The following LRRC72 variants were observed in gnomAD, a reference collection of about 807,000 sequenced individuals.
LRRC72 encodes the protein leucine-rich repeat-containing protein 72.
Under a neutral mutation model 35.8 loss-of-function variants are expected in LRRC72, and 41 were observed. The observed-to-expected ratio is 1.15, with a 90% CI of 0.89 to 1.49. LRRC72 has a LOEUF of 1.49. Among genes scored for constraint, LRRC72 ranks in the 40% most tolerant of loss-of-function variants. The pLI is 0.00. For missense variants in LRRC72, 389 were observed against 330.7 expected (o/e 1.18, Z -1.37); for synonymous variants, 118 against 119.2 (o/e 0.99, Z 0.07).
chr7:16,559,846 C>T (rs945325740), intron 5 of LRRC72, among the ~76,000 whole-genome samples: 6 of 150,916 alleles, frequency 4.0e-5, no homozygotes, highest in Admixed American at 1.3e-4. Context: ...GCTGGGTGAA[C>T]AGTGTGATAC....
chr7:16,574,532 G>A (rs1380033604), intron 7 of LRRC72, among the ~76,000 whole-genome samples: 1 of 152,100 alleles, frequency 6.6e-6, no homozygotes, highest in East Asian at 1.9e-4. Flanking sequence ...ATCATTCTGA[G>A]TAAACTAACA....
chr7:16,573,638 T>C (rs1372810303), intron 7 of LRRC72, among the ~76,000 whole-genome samples: 1 of 152,180 alleles, frequency 6.6e-6, no homozygotes. Flanking sequence ...CCTTACACTT[T>C]ATACAAAAAT....
In LRRC72 at chr7:16,532,511, T is replaced by C. The variant is rs758372399; in HGVS notation, c.107T>C (p.Leu36Pro). 46 of 1,549,928 alleles carry C rather than the reference T, an allele frequency of 3.0e-5. No individual in the cohort carries two copies. The South Asian group carries it at 5.5e-4, about 18-fold the overall frequency. The change falls in exon 2 of 9, where the codon CTA becomes CCA. Residue 36 changes from leucine (L) to proline (P), a missense_variant. Physicochemically the swap from Leu to Pro is moderately conservative, Grantham distance 98. Transcript: ENST00000401542. The part of the protein sequence containing the change: ...QSSRRAVEDQ[L>P]KICGHRRDAD... ...TGTTATCAGGCAGTTGAAGATCAGC[T>C]AAAGATATGTGGCCACAGGAGGGAT...
chr7:16,555,289 A>G (rs1038907927), intron 3 of LRRC72, among the ~76,000 whole-genome samples: 22 of 152,356 alleles, frequency 1.4e-4, no homozygotes, highest in African/African-American at 5.0e-4. Flanking sequence ...TTGCCAATAT[A>G]AAAACAAAGT....
chr7:16,547,305 C>T (rs760341462), intron 3 of LRRC72, among the ~76,000 whole-genome samples: 3 of 152,084 alleles, frequency 2.0e-5, no homozygotes, highest in African/African-American at 7.2e-5. Context: ...TGGTTGGGCA[C>T]GGAGTGGGGG....
chr7:16,572,312 C>G (rs1231327740), intron 7 of LRRC72, among the ~76,000 whole-genome samples: 1 of 152,114 alleles, frequency 6.6e-6, no homozygotes, highest in East Asian at 1.9e-4. Context: ...TTTATGAGGC[C>G]AGCATCATCC....
rs141438831 is a variant in LRRC72, at chr7:16,567,516, C to CA, written c.648dup (p.Pro217ThrfsTer14). The CA allele has an allele frequency of 3.7e-4, 472 of 1,265,236 alleles. No individual in the cohort carries two copies. In the African/African-American group the frequency reaches 8.0e-3, roughly 22 times the overall value. The allele number at this position is 1,265,236 out of a possible 1,614,324, so 78.4% of individuals were successfully genotyped here. A position where few individuals can be genotyped will look rare whatever the true frequency, so the allele number is the denominator to read the frequency against. On this transcript the variant is annotated frameshift_variant, in exon 7 of 9. Transcript: ENST00000401542. LOFTEE classifies it high-confidence loss of function. Reference sequence around the variant, plus strand: ...ATGGGATCCTAAATCACCATTTAAGCAAAAACCAGCCCAGAGAGTACCTTC... The same window carrying CA: ...ATGGGATCCTAAATCACCATTTAAGCAAAAAACCAGCCCAGAGAGTACCTTC...
At chr7:16,535,460 T>G (rs1438908128) in intron 2 of LRRC72, among the ~76,000 whole-genome samples, 1 of 152,134 alleles carries the variant, frequency 6.6e-6, no homozygotes, top group East Asian at 1.9e-4. Context: ...GTTAAAAGAA[T>G]AAGAACATTA....
At chr7:16,538,826 T>C (rs1259540819) in intron 3 of LRRC72, among the ~76,000 whole-genome samples, 1 of 152,232 alleles carries the variant, frequency 6.6e-6, no homozygotes, top group East Asian at 1.9e-4. Flanking sequence ...TGCCACCATG[T>C]AAGATGTGCC....
intron 3 of LRRC72, among the ~76,000 whole-genome samples, chr7:16,554,822 T>G (rs1263332098): frequency 6.6e-6 from 1 of 152,186 alleles, no homozygotes; most frequent in African/African-American, 2.4e-5. Context: ...ACTGTCAGGT[T>G]TGTTAGTGTT....
intron 7 of LRRC72, among the ~76,000 whole-genome samples, chr7:16,576,954 C>G (rs1178357368): frequency 6.6e-6 from 1 of 152,106 alleles, no homozygotes; most frequent in Non-Finnish European, 1.5e-5. Context: ...AAAGAGTGCA[C>G]CAGTACAGAC....
At chr7:16,533,588 C>T (rs1038051465) in intron 2 of LRRC72, among the ~76,000 whole-genome samples, 8 of 151,894 alleles carry the variant, frequency 5.3e-5, no homozygotes, top group Non-Finnish European at 8.8e-5. Flanking sequence ...AAAGAAAATG[C>T]CTTAGTTTAT....
rs117845686 is a variant in LRRC72 at position 16,556,509 on chromosome 7, G to A, written c.235-851G>A. Among the ~76,000 whole-genome samples the A allele has an allele frequency of 1.2e-4, 18 of 152,316 alleles. No homozygotes were observed. The East Asian group carries it at 3.5e-3, about 29-fold the overall frequency. On this transcript the variant is annotated intron_variant, in intron 3 of 8. Transcript: ENST00000401542. ...TGTGCCTTGCCCTCTAATTGCAGAT[G>A]GTGACTGGTTGAGCTGTTAGCACTG... is the stretch of plus-strand genomic sequence containing the variant.
At chr7:16,547,297 G>A (rs373830343) in intron 3 of LRRC72, among the ~76,000 whole-genome samples, 3 of 152,282 alleles carry the variant, frequency 2.0e-5, no homozygotes, top group East Asian at 1.9e-4. Context: ...GAGCAGTGTG[G>A]TTGGGCACGG....
Position 16,567,485 on chromosome 7 carries a change from T to G in LRRC72, c.612T>G (p.Asp204Glu). The change falls in exon 7 of 9, where the codon GAT (aspartate) becomes GAG (glutamate). Residue 204 changes from aspartate (D) to glutamate (E), a missense_variant. Physicochemically the swap from Asp to Glu is conservative, Grantham distance 45 (BLOSUM62 2). Transcript: ENST00000401542. ...VQSIAFGGKV[D>E]ASWDPKSPFK... ...CAATAGCATTCGGAGGAAAAGTGGA[T>G]GCTTCATGGGATCCTAAATCACCAT... The G allele has an allele frequency of 6.5e-7, 1 of 1,533,058 alleles. No individual in the cohort carries two copies. Among genetic ancestry groups the G allele is most frequent in the Non-Finnish European group, 8.8e-7 (1 of 1,138,346 alleles). 95.0% of individuals were successfully genotyped at this position (1,533,058 alleles called of 1,614,324 possible).
intron 7 of LRRC72, among the ~76,000 whole-genome samples, chr7:16,572,776 C>A (rs909141670): frequency 6.6e-6 from 1 of 152,038 alleles, no homozygotes; most frequent in Admixed American, 6.5e-5. Context: ...CACTCCTATT[C>A]AACATAGTAT....
Position 16,547,527 on chromosome 7 carries a change from C to CT in LRRC72, c.234+9832dup, listed in dbSNP as rs568598053. Among the ~76,000 whole-genome samples, 358 of 152,316 alleles carry CT rather than the reference C, an allele frequency of 2.4e-3. 1 individual carries two copies. Among genetic ancestry groups the CT allele is most frequent in the Non-Finnish European group, 4.5e-3 (304 of 68,008 alleles). On this transcript the variant is annotated intron_variant, in intron 3 of 8. Transcript: ENST00000401542. ...TGCTGCTGTGGGCCCAGGCATCTCC[C>CT]TGCACTCTCGGGGACCCAGGAAGGC...
At chr7:16,564,370 TG>T (rs1253515503) in intron 5 of LRRC72, among the ~76,000 whole-genome samples, 1 of 152,236 alleles carries the variant, frequency 6.6e-6, no homozygotes, top group African/African-American at 2.4e-5. Flanking sequence ...CTACAATTCA[TG>T]ATCCCAATGG....
At chr7:16,579,053 A>C (rs1041856174) in intron 7 of LRRC72, among the ~76,000 whole-genome samples, 3 of 152,228 alleles carry the variant, frequency 2.0e-5, no homozygotes, top group Admixed American at 2.0e-4. Flanking sequence ...ATATGATGTG[A>C]CTATAGTTAG....
Sources: gnomAD v4.1 joint callset for allele counts (sites outside exome capture counted in the v4.1 genomes callset) on GRCh38, gnomAD v4.1.1 for gene constraint, MANE v1.5 for transcripts, NCBI Gene and HGNC (gene_info 2026-07-23, HGNC 2026-07-21) for gene names.